KCNMA1: variants seen among roughly 807,000 people sequenced by gnomAD.
KCNMA1 encodes Calcium-activated potassium channel subunit alpha-1.
Under a neutral mutation model 140.0 loss-of-function variants are expected in KCNMA1, and 29 were observed. That is an observed-to-expected ratio of 0.21 (90% CI 0.15 to 0.28). KCNMA1 has a LOEUF of 0.28. Among genes scored for constraint, KCNMA1 ranks in the 10% least tolerant of loss-of-function variants. KCNMA1 has a pLI of 1.00. For synonymous variants in KCNMA1, 612 were observed against 611.9 expected (o/e 1.00, Z 0.00); for missense variants, 880 against 1,602.2 (o/e 0.55, Z 7.70).
intron 9 of KCNMA1, among the ~76,000 whole-genome samples, chr10:77,104,262 T>A (rs908245503): frequency 6.6e-6 from 1 of 152,216 alleles, no homozygotes; most frequent in African/African-American, 2.4e-5. Flanking sequence ...TTTCAGGAAG[T>A]GTGTGGCACT....
chr10:77,322,146 C>G (rs944678192), intron 2 of KCNMA1, among the ~76,000 whole-genome samples: 2 of 152,068 alleles, frequency 1.3e-5, no homozygotes, highest in African/African-American at 4.8e-5. Context: ...CCATGAAAGG[C>G]CAAGGGAGAG....
intron 2 of KCNMA1, among the ~76,000 whole-genome samples, chr10:77,262,005 C>T (rs1042415529): frequency 6.6e-6 from 1 of 152,308 alleles, no homozygotes; most frequent in East Asian, 1.9e-4. Flanking sequence ...CACTCACTGT[C>T]ACCAAGGACT....
At chr10:77,212,811 T>G (rs563589551) in intron 3 of KCNMA1, among the ~76,000 whole-genome samples, 6 of 152,248 alleles carry the variant, frequency 3.9e-5, no homozygotes, top group African/African-American at 1.2e-4. Flanking sequence ...CTTTGACATC[T>G]TCAATTCCTA....
chr10:77,403,942 C>G lies in KCNMA1; in HGVS notation c.460G>C (p.Ala154Pro), dbSNP rs142858967. ...ACGGAGGTCATCCAGCCGACCTCGG[C>G]GGCCACTGCCTCCTCTTTTTCATCC... ...PVDEKEEAVA[A>P]EVGWMTSVKD... Residue 154 changes from alanine (A) to proline (P), a missense_variant, in exon 2 of 28, where the codon GCC (alanine) becomes CCC (proline). Around this residue, in one of 13 missense-constraint regions of KCNMA1, gnomAD observed 54 missense variants for 56.4 expected, o/e 0.96. Coordinates refer to ENST00000286628, the MANE Select transcript of KCNMA1 (RefSeq NM_001161352.2). 2 of 1,614,130 alleles carry G rather than the reference C, an allele frequency of 1.2e-6. No individual in the cohort carries two copies. The highest frequency in any genetic ancestry group is 2.2e-5 in the South Asian group (2 of 91,082).
At chr10:77,099,138 G>A (rs1325180977) in intron 9 of KCNMA1, among the ~76,000 whole-genome samples, 1 of 152,048 alleles carries the variant, frequency 6.6e-6, no homozygotes, top group African/African-American at 2.4e-5. Context: ...ACTCTTCAGG[G>A]ATGAAGGTGG....
At chr10:77,427,164 C>T (rs1416995561) in intron 1 of KCNMA1, among the ~76,000 whole-genome samples, 2 of 152,224 alleles carry the variant, frequency 1.3e-5, no homozygotes, top group Admixed American at 1.3e-4. Context: ...CATCATGGTG[C>T]TGTCCCAGCC....
At chr10:77,449,142 A>G (rs1390613594) in intron 1 of KCNMA1, among the ~76,000 whole-genome samples, 1 of 152,142 alleles carries the variant, frequency 6.6e-6, no homozygotes, top group Non-Finnish European at 1.5e-5. Flanking sequence ...CTTTGCTACA[A>G]TAATTTCATT....
chr10:77,369,784 T>C (rs1468979378), intron 2 of KCNMA1, among the ~76,000 whole-genome samples: 2 of 152,196 alleles, frequency 1.3e-5, no homozygotes, highest in African/African-American at 2.4e-5. Context: ...AGGGAACATG[T>C]GTGCACACAA....
At chr10:77,300,159 G>A (rs550524962) in intron 2 of KCNMA1, among the ~76,000 whole-genome samples, 73 of 152,342 alleles carry the variant, frequency 4.8e-4, no homozygotes, top group Middle Eastern at 3.4e-3. Context: ...CAGTGGACAG[G>A]ACGCCCCTGC....
chr10:77,090,287 T>C (rs1427065144), intron 10 of KCNMA1, 113 bp downstream of exon 10: 2 of 798,472 alleles, frequency 2.5e-6, no homozygotes, highest in East Asian at 5.0e-5. Flanking sequence ...TACCCAACTC[T>C]GGCCCCATCC....
At chr10:77,318,104 G>C (rs2081354177) in intron 2 of KCNMA1, among the ~76,000 whole-genome samples, 2 of 152,106 alleles carry the variant, frequency 1.3e-5, no homozygotes, top group Admixed American at 1.3e-4. Flanking sequence ...ATTACCATAG[G>C]CTCAGTGATG....
chr10:77,010,696 G>A (rs1306808653), intron 18 of KCNMA1, among the ~76,000 whole-genome samples: 1 of 151,938 alleles, frequency 6.6e-6, no homozygotes, highest in African/African-American at 2.4e-5. Flanking sequence ...CTCCAGCAGA[G>A]TGATATTTAT....
At chr10:77,362,990 G>A (rs527874923) in intron 2 of KCNMA1, among the ~76,000 whole-genome samples, 7 of 152,206 alleles carry the variant, frequency 4.6e-5, no homozygotes, top group Admixed American at 1.3e-4. Flanking sequence ...AGCTTGCGCC[G>A]TCTCCCAATG....
chr10:77,518,796 T>G (rs926304302), intron 1 of KCNMA1, among the ~76,000 whole-genome samples: 1 of 152,178 alleles, frequency 6.6e-6, no homozygotes, highest in African/African-American at 2.4e-5. Flanking sequence ...CTCCTCACTT[T>G]GCCATCAAAG....
At chr10:77,511,744 G>T (rs564283579) in intron 1 of KCNMA1, among the ~76,000 whole-genome samples, 3 of 152,300 alleles carry the variant, frequency 2.0e-5, no homozygotes, top group African/African-American at 7.2e-5. Context: ...ACCTCAGGAT[G>T]TGACTATACA....
At chr10:77,273,131 G>A (rs922031541) in intron 2 of KCNMA1, among the ~76,000 whole-genome samples, 3 of 152,184 alleles carry the variant, frequency 2.0e-5, no homozygotes, top group African/African-American at 7.2e-5. Context: ...TAAGGTAGCT[G>A]TAAATAAGTC....
At position 77,412,286 on chromosome 10, in the gene KCNMA1, C is replaced by T. The variant is rs886544761; in HGVS notation, c.379-8263G>A. Among the ~76,000 whole-genome samples, 11 of 152,194 alleles carry T rather than the reference C, an allele frequency of 7.2e-5. No individual in the cohort carries two copies. In the East Asian group the frequency reaches 2.1e-3, roughly 29 times the overall value. On this transcript the variant is annotated intron_variant, in intron 1 of 27. Coordinates refer to ENST00000286628, the MANE Select transcript of KCNMA1 (RefSeq NM_001161352.2). ...ATTTTCCTGGTCAACATCAGAAGGC[C>T]ATTTCCCCTGAGCCTTCATTGATGG...
At position 77,621,859 on chromosome 10, in the gene KCNMA1, C is replaced by T. The variant is rs559417283; in HGVS notation, c.378+15406G>A. Among the ~76,000 whole-genome samples, 4 of 152,214 alleles carry T rather than the reference C, an allele frequency of 2.6e-5. 1 individual carries two copies. Among genetic ancestry groups the T allele is most frequent in the African/African-American group, 7.2e-5 (3 of 41,528 alleles). On this transcript the variant is annotated intron_variant, in intron 1 of 27. Coordinates refer to ENST00000286628, the MANE Select transcript of KCNMA1 (RefSeq NM_001161352.2). Reference sequence around the variant, plus strand: ...CTCAGGAGGCTGAGGTGGGAGATTGCTTGAGCCCAGGAGGTGGAGGTTTTA... The same window carrying T: ...CTCAGGAGGCTGAGGTGGGAGATTGTTTGAGCCCAGGAGGTGGAGGTTTTA...
chr10:77,569,608 T>C (rs1180767829), intron 1 of KCNMA1, among the ~76,000 whole-genome samples: 5 of 151,994 alleles, frequency 3.3e-5, no homozygotes, highest in South Asian at 4.2e-4. Context: ...AAGACTTAAA[T>C]GTTAGACCTA....
Sources: gnomAD v4.1 joint callset for allele counts (sites outside exome capture counted in the v4.1 genomes callset) on GRCh38, gnomAD v4.1.1 for gene constraint, gnomAD v4.1.1 regional missense constraint, MANE v1.5 for transcripts, NCBI Gene and HGNC (gene_info 2026-07-23, HGNC 2026-07-21) for gene names.